Variants in OFD1 observed in about 807,000 individuals in gnomAD.
The protein encoded by OFD1 is OFD1 centriole and centriolar satellite protein.
A neutral mutation model predicts 81.4 loss-of-function variants in OFD1; 12 were observed. That is an observed-to-expected ratio of 0.15 (90% CI 0.09 to 0.24). The LOEUF is 0.24. Among genes scored for constraint, OFD1 ranks in the 10% least tolerant of loss-of-function variants. The pLI is 1.00. For missense variants in OFD1, 685 were observed against 733.9 expected (o/e 0.93, Z 0.77); for synonymous variants, 256 against 263.7 (o/e 0.97, Z 0.28).
rs2147086446 is a variant in OFD1 at position 13,768,191 on chromosome X, C to T, written c.2895C>T (p.Ile965=). 1.7e-6 allele frequency: 2 copies of T among 1,210,951 alleles called. No homozygotes were observed. Among genetic ancestry groups the T allele is most frequent in the Non-Finnish European group, 2.2e-6 (2 of 894,616 alleles). ...ENPLEKYMKI[I]QQEQDQESAD... is the part of the protein sequence containing the mutation. ...CTTTAGAGAAATACATGAAAATCAT[C>T]CAGCAGGAGCAAGACCAGGAGTCGG... is the stretch of plus-strand genomic sequence containing the variant. Residue 965 remains isoleucine (I), a synonymous_variant, in exon 21 of 23, where the codon ATC becomes ATT. Coordinates refer to ENST00000340096, the MANE Select transcript of OFD1 (RefSeq NM_003611.3).
chrX:13,737,706 C>A (rs959128283), intron 3 of OFD1, among the ~76,000 whole-genome samples: 1 of 111,416 alleles, frequency 9.0e-6, no homozygotes, highest in African/African-American at 3.3e-5. Context: ...TTTTTACTTT[C>A]TTTGTGTTTT....
At chrX:13,717,039 A>T in the OFD1 span, among the ~76,000 whole-genome samples, 1 of 55,160 alleles carries the variant, frequency 1.8e-5, no homozygotes, top group African/African-American at 7.5e-5. Flanking sequence ...TATGTTAAAA[A>T]AAAAAAAAAA....
intron 8 of OFD1, 94 bp from the exon 9 acceptor site, chrX:13,749,333 C>A: frequency 1.8e-6 from 1 of 543,010 alleles, no homozygotes; most frequent in South Asian, 2.5e-5. Context: ...AATGTCTGTA[C>A]TTTGCTTTTT....
At chrX:13,762,569 A>G (rs770062117) in intron 18 of OFD1, 125 bp downstream of exon 18, 5 of 473,266 alleles carry the variant, frequency 1.1e-5, no homozygotes, top group African/African-American at 2.4e-5. Flanking sequence ...ATTTTGTGAT[A>G]CAACCACAAG....
chrX:13,773,153 C>T (rs1456751122), downstream of OFD1: 5 of 531,699 alleles, frequency 9.4e-6, no homozygotes, highest in East Asian at 3.5e-5. Flanking sequence ...AATAAATACT[C>T]GCTCTACTAG....
chrX:13,732,423 G>T (rs1390876103), upstream of OFD1, among the ~76,000 whole-genome samples: 1 of 112,739 alleles, frequency 8.9e-6, no homozygotes, highest in African/African-American at 3.2e-5. Context: ...GACTTGGCTA[G>T]GGATGGCAAA....
At chrX:13,736,136 T>G in intron 2 of OFD1, 1 of 854,148 alleles carries the variant, frequency 1.2e-6, no homozygotes, top group Non-Finnish European at 1.4e-6. Flanking sequence ...AGTGGCAGAA[T>G]TTTTTCCTAT....
the OFD1 span, among the ~76,000 whole-genome samples, chrX:13,724,028 G>A: frequency 8.9e-6 from 1 of 111,743 alleles, no homozygotes; most frequent in Non-Finnish European, 1.9e-5. Flanking sequence ...ACAGCAATGT[G>A]ATCTTGACAG....
intron 15 of OFD1, 109 bp from the exon 16 acceptor site, chrX:13,760,006 G>A: frequency 3.0e-6 from 3 of 1,000,816 alleles, no homozygotes; most frequent in Non-Finnish European, 4.2e-6. Flanking sequence ...TATAGTGCAA[G>A]TTTGTCCTTA....
At chrX:13,737,866 T>C (rs1411784047) in intron 3 of OFD1, among the ~76,000 whole-genome samples, 1 of 111,767 alleles carries the variant, frequency 8.9e-6, no homozygotes, top group African/African-American at 3.3e-5. Context: ...ATTTATGTTT[T>C]TGAGACAGAG....
At position 13,738,169 on chromosome X, in the gene OFD1, T is replaced by C. The variant is rs147624126; in HGVS notation, c.313-677T>C. Reference sequence around the variant, plus strand: ...TGGCCTGGAATTCATTTTTGATACATCATTCTCTAACTTTCTAATCACTTT... The same window carrying C: ...TGGCCTGGAATTCATTTTTGATACACCATTCTCTAACTTTCTAATCACTTT... On this transcript the variant is annotated intron_variant, in intron 3 of 22. Coordinates refer to ENST00000340096, the MANE Select transcript of OFD1 (RefSeq NM_003611.3). Among the ~76,000 whole-genome samples the C allele has an allele frequency of 7.6e-4, 86 of 112,554 alleles. No individual in the cohort carries two copies. The East Asian group carries it at 0.018, about 24-fold the overall frequency.
At chrX:13,772,514 G>A (rs1266251140), downstream of OFD1, 1 of 141,802 alleles carries the variant, frequency 7.1e-6, no homozygotes. Context: ...TGCTGGGCAT[G>A]TCACAGGTCC....
Position 13,761,178 on chromosome X carries a change from C to T in OFD1, c.2354C>T (p.Pro785Leu), listed in dbSNP as rs1292383878. Residue 785 changes from proline (P) to leucine (L), a missense_variant, in exon 17 of 23, where the codon CCT becomes CTT. Coordinates refer to ENST00000340096, the MANE Select transcript of OFD1 (RefSeq NM_003611.3). ...PTESRHSLSI[P>L]PVSSPPEQKV... ...GAGTCTAGGCACAGCCTCTCCATCC[C>T]TCCTGTCTCCAGCCCTCCGGAGCAG... The T allele has an allele frequency of 5.0e-6, 6 of 1,208,996 alleles. No individual in the cohort carries two copies. The highest frequency in any genetic ancestry group is 3.5e-5 in the African/African-American group (2 of 56,983).
the OFD1 span, chrX:13,716,524 G>C: frequency 3.3e-6 from 4 of 1,211,214 alleles, no homozygotes; most frequent in South Asian, 7.0e-5. Context: ...TACTAAGAAG[G>C]TAAGGATATG....
intron 6 of OFD1, among the ~76,000 whole-genome samples, chrX:13,745,264 G>GT (rs1420808138): frequency 3.9e-4 from 44 of 112,339 alleles, no homozygotes; most frequent in African/African-American, 1.4e-3. Flanking sequence ...GTTCAGTGGT[G>GT]TGAGCCACAT....
At chrX:13,719,045 T>A in the OFD1 span, among the ~76,000 whole-genome samples, 1 of 110,676 alleles carries the variant, frequency 9.0e-6, no homozygotes, top group South Asian at 3.8e-4. Flanking sequence ...TAATCCCAGC[T>A]ACCTGGGAGG....
At position 13,763,793 on chromosome X, in the gene OFD1, C is replaced by T; in HGVS notation, c.2537C>T (p.Ala846Val). 3.3e-6 allele frequency: 4 copies of T among 1,211,297 alleles called. No homozygotes were observed. The highest frequency in any genetic ancestry group is 4.5e-6 in the Non-Finnish European group (4 of 895,257). ...TTGGAAATGGGCGGGCTTTCTCCTG[C>T]CGGGGATATGTCTCATGTGGACGCT... ...RQLEMGGLSP[A>V]GDMSHVDAAA... The change falls in exon 19 of 23, where the codon GCC (alanine) becomes GTC (valine). Residue 846 changes from alanine (A) to valine (V), a missense_variant. Coordinates refer to ENST00000340096, the MANE Select transcript of OFD1 (RefSeq NM_003611.3).
At chrX:13,748,292 T>C (rs1262175289) in intron 8 of OFD1, among the ~76,000 whole-genome samples, 1 of 112,328 alleles carries the variant, frequency 8.9e-6, no homozygotes, top group Non-Finnish European at 1.9e-5. Flanking sequence ...AAGAAGATTG[T>C]CATCCTCATA....
At chrX:13,738,446 G>C (rs945357046) in intron 3 of OFD1, among the ~76,000 whole-genome samples, 2 of 111,939 alleles carry the variant, frequency 1.8e-5, no homozygotes, top group African/African-American at 6.5e-5. Flanking sequence ...CTTTAATTAC[G>C]GTTTTAAGGA....
Sources: allele counts gnomAD v4.1 joint callset (sites outside exome capture counted in the v4.1 genomes callset), GRCh38; gene constraint gnomAD v4.1.1; transcripts MANE v1.5; gene names NCBI Gene and HGNC (gene_info 2026-07-23, HGNC 2026-07-21).